The following APBB2 variants were observed in gnomAD, a reference collection of about 807,000 sequenced individuals.
APBB2 encodes the protein amyloid beta precursor protein binding family B member 2, also known as Fe65-like 1.
A neutral mutation model predicts 82.5 loss-of-function variants in APBB2; 38 were observed. The ratio of observed to expected loss-of-function variants is 0.46; its 90% CI spans 0.36 to 0.60. The LOEUF is 0.60. APBB2 is among the 20% of genes least tolerant of loss of function. The pLI, the probability that APBB2 is intolerant of heterozygous loss-of-function variation, is 0.00. For missense variants in APBB2, 772 were observed against 972.3 expected (o/e 0.79, Z 2.74); for synonymous variants, 341 against 368.2 (o/e 0.93, Z 0.85).
intron 4 of APBB2, among the ~76,000 whole-genome samples, chr4:41,058,849 G>A (rs898012315): frequency 2.0e-5 from 3 of 152,118 alleles, no homozygotes; most frequent in Non-Finnish European, 2.9e-5. Flanking sequence ...TTTCAAACAC[G>A]TGGAAAAACT....
At position 40,945,092 on chromosome 4, in the gene APBB2, G is replaced by T; in HGVS notation, c.836-19C>A. On this transcript the variant is annotated intron_variant, in intron 6 of 17. Transcript: ENST00000508593. ...ATATCTGCTGAAAAATTGGGGGGCG[G>T]GGCGGGGGGAGAAAGAGAGAATTTT... The T allele has an allele frequency of 1.8e-6, 2 of 1,109,246 alleles. No homozygotes were observed. Among genetic ancestry groups the T allele is most frequent in the Non-Finnish European group, 2.6e-6 (2 of 767,028 alleles). 68.7% of individuals were successfully genotyped at this position (1,109,246 alleles called of 1,614,324 possible). A position where few individuals can be genotyped will look rare whatever the true frequency, so the allele number is the denominator to read the frequency against.
chr4:40,976,874 C>T (rs1357125597), intron 6 of APBB2, among the ~76,000 whole-genome samples: 1 of 151,906 alleles, frequency 6.6e-6, no homozygotes, highest in Non-Finnish European at 1.5e-5. Context: ...CATAGTGAGA[C>T]CCCATCCTAT....
intron 6 of APBB2, among the ~76,000 whole-genome samples, chr4:40,982,285 G>A (rs56275279): frequency 0.041 from 464 of 11,242 alleles, 39 homozygotes; most frequent in African/African-American, 0.13. Flanking sequence ...AAAGAAAGAA[G>A]GAAGGAAGGA....
intron 7 of APBB2, among the ~76,000 whole-genome samples, chr4:40,937,798 A>G (rs1240306459): frequency 6.6e-6 from 1 of 152,252 alleles, no homozygotes; most frequent in Non-Finnish European, 1.5e-5. Context: ...TTTGTCTTAA[A>G]TTTTAAGAAT....
At chr4:40,821,776 T>G (rs1044047636) in intron 17 of APBB2, 95 bp downstream of exon 17, 117 of 1,448,314 alleles carry the variant, frequency 8.1e-5, no homozygotes, top group Non-Finnish European at 1.0e-4. Flanking sequence ...GGATTCGACT[T>G]TTTTCATTTC....
intron 4 of APBB2, among the ~76,000 whole-genome samples, chr4:41,061,246 T>C (rs17588767): frequency 0.21 from 32,135 of 152,214 alleles, 4,427 homozygotes; most frequent in East Asian, 0.54. Context: ...CAATTTTTAT[T>C]AGCAATTCCT....
intron 3 of APBB2, among the ~76,000 whole-genome samples, chr4:41,069,485 C>T (rs538545130): frequency 1.3e-5 from 2 of 152,308 alleles, no homozygotes; most frequent in East Asian, 3.9e-4. Flanking sequence ...TCTAAGACTG[C>T]TCTGCGGTTT....
intron 1 of APBB2, among the ~76,000 whole-genome samples, chr4:41,179,492 TTAA>T (rs1161212086): frequency 6.6e-6 from 1 of 152,202 alleles, no homozygotes; most frequent in East Asian, 1.9e-4. Flanking sequence ...ATCAGGTCTG[TTAA>T]ATAGTTAACA....
intron 1 of APBB2, among the ~76,000 whole-genome samples, chr4:41,175,033 T>G (rs1769370879): frequency 6.6e-6 from 1 of 152,206 alleles, no homozygotes; most frequent in Non-Finnish European, 1.5e-5. Context: ...TCAGTTCCTC[T>G]ACCATGAGTA....
chr4:40,883,587 G>GA lies in APBB2; in HGVS notation c.1529+6776dup, dbSNP rs1769319465. The stretch of plus-strand genomic sequence containing the variant: ...GGGCAACAAGAGTGAAACTCAATCT[G>GA]AAAAAAAAGAAAAACTTACTCAAGC... On this transcript the variant is annotated intron_variant, in intron 12 of 17. Transcript: ENST00000508593. 6.6e-5 allele frequency among the ~76,000 whole-genome samples: 10 copies of GA among 150,770 alleles called. No homozygotes were observed. In the South Asian group the frequency reaches 1.9e-3, roughly 28 times the overall value.
Position 40,826,434 on chromosome 4 carries a change from G to A in APBB2, c.1733-464C>T, listed in dbSNP as rs1179436759. ...TGCCCAGGCTGGAGTGCAGTGGTGC[G>A]ATCTTGGCTCGCTGCAACCTCCATC... On this transcript the variant is annotated intron_variant, in intron 14 of 17. Coordinates refer to ENST00000508593, the MANE Select transcript of APBB2 (RefSeq NM_004307.2). This position sits in a 1 kb window ranked among gnomAD's most constrained non-coding sequence, Gnocchi z 4.5. Among the ~76,000 whole-genome samples the A allele has an allele frequency of 2.0e-4, 31 of 151,642 alleles. No individual in the cohort carries two copies. The highest frequency in any genetic ancestry group is 2.9e-5 in the Non-Finnish European group (2 of 67,968).
At chr4:40,938,796 A>C (rs923142868) in intron 7 of APBB2, among the ~76,000 whole-genome samples, 4 of 152,240 alleles carry the variant, frequency 2.6e-5, no homozygotes, top group Non-Finnish European at 5.9e-5. Flanking sequence ...CTCTGTGTGC[A>C]CTTGAGAAGT....
chr4:40,944,633 A>G (rs996022677), intron 7 of APBB2, among the ~76,000 whole-genome samples: 3 of 152,186 alleles, frequency 2.0e-5, no homozygotes, highest in African/African-American at 7.2e-5. Context: ...TGCTTTCTGT[A>G]CCTGGAATGC....
Position 40,827,116 on chromosome 4 carries a change from G to A in APBB2, c.1732+16C>T, listed in dbSNP as rs1406036873. 6.2e-7 allele frequency: 1 copy of A among 1,612,086 alleles called. No homozygotes were observed. The highest frequency in any genetic ancestry group is 8.5e-7 in the Non-Finnish European group (1 of 1,178,342). ...GGACAGGGCCATAATGAAGACATGA[G>A]GTGCCACTGACTTACCTTGCAAAGG... On this transcript the variant is annotated intron_variant, in intron 14 of 17. Transcript: ENST00000508593.
chr4:41,193,992 TTTG>T, intron 1 of APBB2: 3 of 152,048 alleles, frequency 2.0e-5, no homozygotes, highest in African/African-American at 7.2e-5. Context: ...TTTGAAATAT[TTTG>T]TTAAGAGTGA....
chr4:40,997,832 T>G (rs1049316656), intron 6 of APBB2, among the ~76,000 whole-genome samples: 4 of 152,180 alleles, frequency 2.6e-5, no homozygotes, highest in African/African-American at 9.7e-5. Flanking sequence ...ATTATTAATT[T>G]TATTAAATCT....
chr4:41,034,304 G>A (rs183804985), intron 4 of APBB2, among the ~76,000 whole-genome samples: 8 of 152,160 alleles, frequency 5.3e-5, no homozygotes, highest in Non-Finnish European at 1.0e-4. Context: ...GGATCTACAA[G>A]AGCCTATATA....
Position 41,017,156 on chromosome 4 carries a change from C to T in APBB2, c.20-2758G>A, listed in dbSNP as rs566311707. Among the ~76,000 whole-genome samples, 113 of 152,230 alleles carry T rather than the reference C, an allele frequency of 7.4e-4. 1 individual carries two copies. Among genetic ancestry groups the T allele is most frequent in the African/African-American group, 2.7e-3 (111 of 41,526 alleles). ...AAGTAATCCTCCTACCTCAGCCTCC[C>T]AAAGTACTGGGATTACAGGCGTGAA... is the stretch of plus-strand genomic sequence containing the variant. On this transcript the variant is annotated intron_variant, in intron 5 of 17. Transcript: ENST00000508593.
At chr4:41,129,622 T>TA (rs1755401709) in intron 2 of APBB2, among the ~76,000 whole-genome samples, 2 of 152,214 alleles carry the variant, frequency 1.3e-5, no homozygotes, top group African/African-American at 4.8e-5. Context: ...TGTTTGTTTT[T>TA]AATTTTCAGT....
Sources: gnomAD v4.1 joint callset for allele counts (sites outside exome capture counted in the v4.1 genomes callset) on GRCh38, gnomAD v4.1.1 for gene constraint, Gnocchi (gnomAD v3.1) non-coding constraint, MANE v1.5 for transcripts, NCBI Gene and HGNC (gene_info 2026-07-23, HGNC 2026-07-21) for gene names.